RPS29: variants seen among roughly 807,000 people sequenced by gnomAD.
The protein encoded by RPS29 is small ribosomal subunit protein uS14.
For missense variants in RPS29, 60 were observed against 75.7 expected (o/e 0.79, Z 0.77); for synonymous variants, 37 against 26.9 (o/e 1.37, Z -1.16).
rs1566488981 is a variant in RPS29, at chr14:49,598,645, AC to A, written c.-379del. The A allele has an allele frequency of 1.1e-5, 8 of 700,912 alleles. No homozygotes were observed. In the South Asian group the frequency reaches 1.2e-4, roughly 10 times the overall value. 43.4% of individuals were successfully genotyped at this position (700,912 alleles called of 1,614,324 possible). On this transcript the variant is annotated 5_prime_UTR_variant, in exon 1 of 4. Transcript: ENST00000556230. ...AACAGCGGCCCGACGTGCGCCCGCA[AC>A]GCGTAAAGCGTCAACAGCTGAAACC...
At chr14:49,595,499 C>T (rs1316450929) in intron 1 of RPS29, among the ~76,000 whole-genome samples, 2 of 151,984 alleles carry the variant, frequency 1.3e-5, no homozygotes. Flanking sequence ...CTCAGCTACT[C>T]GGGAGGCTGG....
rs1594573981 is a variant in RPS29, at chr14:49,586,207, T to C, written c.62+78A>G. ...TCGGCGTGCTCCCTCGTGCCGCCCG[T>C]GGCCTCCTCTACTTGAGATTTTAAG... On this transcript the variant is annotated intron_variant, in intron 1 of 2. Coordinates refer to ENST00000245458, the MANE Select transcript of RPS29 (RefSeq NM_001032.5). 4 of 1,488,096 alleles carry C rather than the reference T, an allele frequency of 2.7e-6. No homozygotes were observed. The Admixed American group carries it at 5.0e-5, about 19-fold the overall frequency. The allele number at this position is 1,488,096 out of a possible 1,614,324, so 92.2% of individuals were successfully genotyped here.
At chr14:49,581,429 T>C (rs952067965), downstream of RPS29, among the ~76,000 whole-genome samples, 19 of 152,312 alleles carry the variant, frequency 1.2e-4, no homozygotes, top group East Asian at 3.7e-3. Context: ...TTGAACTTTC[T>C]ATTCTTCCCA....
At chr14:49,584,094 ACCT>A (rs1881431688) in intron 2 of RPS29, among the ~76,000 whole-genome samples, 2 of 152,246 alleles carry the variant, frequency 1.3e-5, no homozygotes, top group South Asian at 4.1e-4. Context: ...CGATTCTCCC[ACCT>A]CAACCTCCTG....
At chr14:49,579,108 G>C (rs1273945975), downstream of RPS29, among the ~76,000 whole-genome samples, 1 of 152,114 alleles carries the variant, frequency 6.6e-6, no homozygotes, top group African/African-American at 2.4e-5. Flanking sequence ...GTGGGTTGTA[G>C]GAGGTGGGGC....
exon 3 of RPS29, chr14:49,577,765 G>C (rs1248497677): frequency 6.8e-7 from 1 of 1,479,544 alleles, no homozygotes; most frequent in Non-Finnish European, 9.4e-7. Flanking sequence ...TGATGATCTT[G>C]GGCTTCGCGA....
At chr14:49,586,241 C>A (rs764961858) in intron 1 of RPS29, 44 bp downstream of exon 1, 4 of 1,590,664 alleles carry the variant, frequency 2.5e-6, no homozygotes, top group African/African-American at 1.3e-5. Flanking sequence ...AGCAGCCTAG[C>A]GCTCCACGGC....
intron 1 of RPS29, among the ~76,000 whole-genome samples, chr14:49,595,276 T>G (rs758131343): frequency 2.0e-5 from 3 of 152,092 alleles, no homozygotes; most frequent in Non-Finnish European, 4.4e-5. Context: ...CCATAGATTG[T>G]GACCTCGTTC....
intron 1 of RPS29, among the ~76,000 whole-genome samples, chr14:49,596,103 G>C (rs908824522): frequency 2.6e-5 from 4 of 152,162 alleles, no homozygotes; most frequent in African/African-American, 9.7e-5. Flanking sequence ...TAAATGAAAA[G>C]TGCAATTGGA....
chr14:49,573,081 GAAGAAAGAAAGA>G (rs777782347), exon 3 of RPS29: 6 of 146,168 alleles, frequency 4.1e-5, no homozygotes, highest in African/African-American at 5.2e-5. Flanking sequence ...AGAAAAAAAA[GAAGAAAGAAAGA>G]AAGAAAGAAG....
chr14:49,575,483 A>G (rs17701604), exon 3 of RPS29: 29,670 of 152,174 alleles, frequency 0.19, 3,171 homozygotes, highest in Admixed American at 0.28. Flanking sequence ...TTTATTTATA[A>G]CAGTCAGAAG....
exon 3 of RPS29, chr14:49,577,446 C>T: frequency 2.5e-6 from 1 of 400,782 alleles, no homozygotes; most frequent in South Asian, 2.3e-5. Flanking sequence ...CTCTGATGAC[C>T]ACCTGGGCTG....
downstream of RPS29, among the ~76,000 whole-genome samples, chr14:49,581,897 A>G (rs1490573307): frequency 6.6e-6 from 1 of 151,154 alleles, no homozygotes; most frequent in Non-Finnish European, 1.5e-5. Context: ...GGTGGTGTAC[A>G]CCATGTCCCA....
chr14:49,592,131 G>A (rs1881726491), intron 1 of RPS29: 1 of 151,704 alleles, frequency 6.6e-6, no homozygotes, highest in African/African-American at 2.4e-5. Context: ...CTTCATATAA[G>A]ATGCAAAGTT....
At chr14:49,579,772 T>A (rs978098467), downstream of RPS29, among the ~76,000 whole-genome samples, 1 of 152,210 alleles carries the variant, frequency 6.6e-6, no homozygotes, top group African/African-American at 2.4e-5. Context: ...AACTAAGTGA[T>A]CTTTGGGAAT....
upstream of RPS29, among the ~76,000 whole-genome samples, chr14:49,591,287 CTGTTTGTT>C (rs61069057): frequency 0.41 from 61,976 of 150,448 alleles, 13,564 homozygotes; most frequent in Non-Finnish European, 0.49. Context: ...TAGAGGTTTT[CTGTTTGTT>C]TGTTTGTTTG....
At chr14:49,581,549 G>A (rs940952811), downstream of RPS29, among the ~76,000 whole-genome samples, 4 of 152,308 alleles carry the variant, frequency 2.6e-5, no homozygotes, top group South Asian at 4.1e-4. Context: ...GAGTGCAGTG[G>A]CACAAGCCTC....
chr14:49,571,552 A>G (rs1166870217), exon 3 of RPS29: 1 of 152,218 alleles, frequency 6.6e-6, no homozygotes, highest in African/African-American at 2.4e-5. Context: ...CCATGTGATT[A>G]CATAGCTGGT....
chr14:49,589,271 T>C (rs898122745), upstream of RPS29, among the ~76,000 whole-genome samples: 1 of 152,144 alleles, frequency 6.6e-6, no homozygotes, highest in Non-Finnish European at 1.5e-5. Context: ...TTGGGTTCTT[T>C]GTTTTTTAAA....
Sources: allele counts gnomAD v4.1 joint callset (sites outside exome capture counted in the v4.1 genomes callset), GRCh38; gene constraint gnomAD v4.1.1; transcripts MANE v1.5; gene names NCBI Gene and HGNC (gene_info 2026-07-23, HGNC 2026-07-21).